Variants in ARHGEF10 observed in about 807,000 individuals in gnomAD.
The protein encoded by ARHGEF10 is Rho guanine nucleotide exchange factor (GEF) 10.
A neutral mutation model predicts 147.4 loss-of-function variants in ARHGEF10; 140 were observed. The observed-to-expected ratio is 0.95, with a 90% CI of 0.83 to 1.09. The LOEUF (loss-of-function observed/expected upper bound fraction) is 1.09. Among genes scored for constraint, ARHGEF10 ranks in the 50% least tolerant of loss-of-function variants. The pLI, the probability that ARHGEF10 is intolerant of heterozygous loss-of-function variation, is 0.00. For missense variants in ARHGEF10, 2,222 were observed against 1,752.7 expected (o/e 1.27, Z -4.78); for synonymous variants, 902 against 695.8 (o/e 1.30, Z -4.67).
chr8:1,912,059 A>G (rs1378610805), intron 18 of ARHGEF10, among the ~76,000 whole-genome samples: 1 of 152,190 alleles, frequency 6.6e-6, no homozygotes, highest in Non-Finnish European at 1.5e-5. Context: ...TGATATTGAC[A>G]GAGTGTAGGC....
intron 11 of ARHGEF10, among the ~76,000 whole-genome samples, chr8:1,886,927 G>C (rs909944163): frequency 3.3e-5 from 5 of 152,184 alleles, no homozygotes; most frequent in Non-Finnish European, 5.9e-5. Flanking sequence ...CAGGGGGGTG[G>C]TTGACAGCCT....
rs1223116219 is a variant in ARHGEF10 at position 1,885,639 on chromosome 8, A to G, written c.1114A>G (p.Ile372Val). The G allele has an allele frequency of 3.7e-6, 6 of 1,613,926 alleles. No individual in the cohort carries two copies. The highest frequency in any genetic ancestry group is 1.7e-5 in the Admixed American group (1 of 60,004). The change falls in exon 11 of 29, where the codon ATT becomes GTT. Residue 372 changes from isoleucine to valine, a missense_variant. Physicochemically the swap from Ile to Val is conservative, Grantham distance 29. Transcript: ENST00000349830. Reference protein sequence around the residue: ...SSLEEEQNLFIDVDCKHPEAI... With the variant: ...SSLEEEQNLFVDVDCKHPEAI... ...TCTTGAGGAAGAACAGAATTTGTTC[A>G]TTGATGTTGACTGCAAGCACCCGGA...
At chr8:1,842,009 G>GTCC (rs1563162060) in intron 1 of ARHGEF10, among the ~76,000 whole-genome samples, 6 of 88,528 alleles carry the variant, frequency 6.8e-5, no homozygotes, top group East Asian at 7.0e-4. Flanking sequence ...CGGGAACTGG[G>GTCC]GCCGCGGCGG....
At chr8:1,918,638 CACTT>C (rs1466315665) in intron 18 of ARHGEF10, among the ~76,000 whole-genome samples, 1 of 152,236 alleles carries the variant, frequency 6.6e-6, no homozygotes, top group African/African-American at 2.4e-5. Context: ...TTCCTTCACA[CACTT>C]ACCATTTGTT....
At chr8:1,892,480 G>T (rs185297741) in intron 11 of ARHGEF10, among the ~76,000 whole-genome samples, 426 of 152,188 alleles carry the variant, frequency 2.8e-3, no homozygotes, top group Non-Finnish European at 4.7e-3. Flanking sequence ...TTGTTAATCA[G>T]GTTTTGTAAA....
intron 4 of ARHGEF10, among the ~76,000 whole-genome samples, chr8:1,860,739 G>A (rs1329772378): frequency 1.3e-5 from 2 of 152,192 alleles, no homozygotes; most frequent in African/African-American, 2.4e-5. Context: ...GCTCACGGGA[G>A]TGTGTGCAGT....
chr8:1,824,805 CTGT>C (rs1802643759), intron 1 of ARHGEF10, among the ~76,000 whole-genome samples: 1 of 40,680 alleles, frequency 2.5e-5, no homozygotes, highest in Non-Finnish European at 4.7e-5. Context: ...CGCACCCCAC[CTGT>C]TCCCCCTGCA....
rs1193836602 is a variant in ARHGEF10 at position 1,876,622 on chromosome 8, C to G, written c.731C>G (p.Ser244Cys). ...AATGGGGATGAAGGTGGAAACAGCTCCTTGGAATACGGATGGAGTTCGAGT... is the reference window on the plus strand; with the variant it reads ...AATGGGGATGAAGGTGGAAACAGCTGCTTGGAATACGGATGGAGTTCGAGT... Reference protein sequence around the residue: ...VENGDEGGNSSLEYGWSSSEF... With the variant: ...VENGDEGGNSCLEYGWSSSEF... The change falls in exon 8 of 29, where the codon TCC (serine) becomes TGC (cysteine). Residue 244 changes from serine to cysteine, a missense_variant. Transcript: ENST00000349830. 1 of 1,614,040 alleles carries G rather than the reference C, an allele frequency of 6.2e-7. No individual in the cohort carries two copies. The highest frequency in any genetic ancestry group is 1.3e-5 in the African/African-American group (1 of 74,920).
chr8:1,837,273 T>G (rs1002708166), intron 1 of ARHGEF10, among the ~76,000 whole-genome samples: 2 of 144,814 alleles, frequency 1.4e-5, no homozygotes, highest in African/African-American at 5.1e-5. Flanking sequence ...GTCGGGGGCA[T>G]GCTCTCTGCA....
At chr8:1,931,259 C>A (rs1242389594) in intron 25 of ARHGEF10, among the ~76,000 whole-genome samples, 2 of 152,222 alleles carry the variant, frequency 1.3e-5, no homozygotes, top group African/African-American at 4.8e-5. Flanking sequence ...GTTGATAGGA[C>A]TTTTTCATAT....
At chr8:1,857,815 T>G in intron 2 of ARHGEF10, 145 bp from the exon 3 acceptor site, 1 of 722,872 alleles carries the variant, frequency 1.4e-6, no homozygotes, top group South Asian at 1.9e-5. Flanking sequence ...TTAAAAAGGT[T>G]AACTACAAGC....
chr8:1,843,995 G>A lies in ARHGEF10; in HGVS notation c.37+559G>A, dbSNP rs116859821. ...AAGACTATGCCAGGGTTGCCAGCTC[G>A]CGCTCCGGCCAGTGGAGAAGGTGGA... On this transcript the variant is annotated intron_variant, in intron 2 of 28. Transcript: ENST00000349830. 6.6e-5 allele frequency among the ~76,000 whole-genome samples: 10 copies of A among 152,346 alleles called. No homozygotes were observed. In the East Asian group the frequency reaches 1.5e-3, roughly 24 times the overall value.
In ARHGEF10 at chr8:1,860,150, G is replaced by A. The variant is rs530470887; in HGVS notation, c.447G>A (p.Pro149=). 39 of 1,613,772 alleles carry A rather than the reference G, an allele frequency of 2.4e-5. No homozygotes were observed. Among genetic ancestry groups the A allele is most frequent in the African/African-American group, 4.0e-5 (3 of 75,014 alleles). Residue 149 remains proline (P), a synonymous_variant, in exon 4 of 29, where the codon CCG becomes CCA. Coordinates refer to ENST00000349830, the MANE Select transcript of ARHGEF10 (RefSeq NM_014629.4). The part of the protein sequence containing the change: ...LPLLLPAYSS[P]VIICATSLDE... ...TCCTGCTGCCCGCCTACTCCAGCCC[G>A]GTCATCATCTGCGCCACGTCCCTGG...
intron 2 of ARHGEF10, among the ~76,000 whole-genome samples, chr8:1,856,405 CCTGGGCCCCT>C: frequency 6.6e-6 from 1 of 152,292 alleles, no homozygotes; most frequent in Middle Eastern, 3.4e-3. Flanking sequence ...CTGTCGTGGG[CCTGGGCCCCT>C]CTGTGTATTT....
At chr8:1,866,273 C>T (rs960404098) in intron 5 of ARHGEF10, among the ~76,000 whole-genome samples, 2 of 152,202 alleles carry the variant, frequency 1.3e-5, no homozygotes, top group African/African-American at 4.8e-5. Context: ...GCTGTATTGC[C>T]CTTGCCCGTG....
chr8:1,863,029 C>T (rs893171564), intron 4 of ARHGEF10, among the ~76,000 whole-genome samples: 1 of 152,004 alleles, frequency 6.6e-6, no homozygotes, highest in South Asian at 2.1e-4. Context: ...GTGATCCGCC[C>T]GCCTCAGCCT....
At chr8:1,832,138 G>A (rs1803148405) in intron 1 of ARHGEF10, among the ~76,000 whole-genome samples, 1 of 152,196 alleles carries the variant, frequency 6.6e-6, no homozygotes, top group African/African-American at 2.4e-5. Context: ...GCTGGTGCCT[G>A]TCGAAGGGGC....
rs1194613826 is a variant in ARHGEF10 at position 1,948,471 on chromosome 8, C to T, written c.3397+2816C>T. On this transcript the variant is annotated intron_variant, in intron 27 of 28. Coordinates refer to ENST00000349830, the MANE Select transcript of ARHGEF10 (RefSeq NM_014629.4). The surrounding 1 kb of genome is among the most constrained non-coding windows in gnomAD (Gnocchi z 4.9). ...TTTCTGGGGTACACTGACTGCTTTA[C>T]CCACATTCAGTTCTCTGCTCCCAGG... Among the ~76,000 whole-genome samples, 1 of 152,176 alleles carries T rather than the reference C, an allele frequency of 6.6e-6. No individual in the cohort carries two copies. The highest frequency in any genetic ancestry group is 1.5e-5 in the Non-Finnish European group (1 of 68,028).
intron 2 of ARHGEF10, among the ~76,000 whole-genome samples, chr8:1,851,741 C>T (rs868863373): frequency 3.9e-5 from 6 of 152,024 alleles, no homozygotes; most frequent in African/African-American, 7.3e-5. Context: ...AGTGCCACCT[C>T]GTCTCTATTA....
Sources: gnomAD v4.1 joint callset for allele counts (sites outside exome capture counted in the v4.1 genomes callset) on GRCh38, gnomAD v4.1.1 for gene constraint, Gnocchi (gnomAD v3.1) non-coding constraint, MANE v1.5 for transcripts, NCBI Gene and HGNC (gene_info 2026-07-23, HGNC 2026-07-21) for gene names.